The following ARHGAP39 variants were observed in gnomAD, a reference collection of about 807,000 sequenced individuals.
ARHGAP39 encodes the protein rho GTPase-activating protein 39.
ARHGAP39 carries 44 observed loss-of-function variants against 106.9 expected under a neutral mutation model. The ratio of observed to expected loss-of-function variants is 0.41; its 90% CI spans 0.32 to 0.53. The LOEUF (loss-of-function observed/expected upper bound fraction) is 0.53. Among genes scored for constraint, ARHGAP39 ranks in the 20% least tolerant of loss-of-function variants. ARHGAP39 has a pLI of 0.21. For synonymous variants in ARHGAP39, 768 were observed against 693.2 expected (o/e 1.11, Z -1.69); for missense variants, 1,496 against 1,577.3 (o/e 0.95, Z 0.87).
chr8:144,542,465 G>A (rs1473454807), intron 6 of ARHGAP39, among the ~76,000 whole-genome samples: 1 of 152,146 alleles, frequency 6.6e-6, no homozygotes, highest in East Asian at 1.9e-4. Context: ...CCTCACCGAG[G>A]GTCCCTAGGC....
At position 144,629,069 on chromosome 8, in the gene ARHGAP39, C is replaced by T. The variant is rs534597851; in HGVS notation, c.-81-23374G>A. ...TGTTGGCTCACACCCTCCGTCCACT[C>T]CTTTACTGGATCTTACTAACTTGGA... is the stretch of plus-strand genomic sequence containing the variant. On this transcript the variant is annotated intron_variant, in intron 1 of 11. Coordinates refer to ENST00000377307, the MANE Select transcript of ARHGAP39 (RefSeq NM_025251.3). 8.3e-4 allele frequency among the ~76,000 whole-genome samples: 127 copies of T among 152,348 alleles called. 1 individual carries two copies. Among genetic ancestry groups the T allele is most frequent in the African/African-American group, 2.6e-3 (108 of 41,592 alleles).
the ARHGAP39 span, among the ~76,000 whole-genome samples, chr8:144,696,336 G>A: frequency 6.6e-6 from 1 of 151,980 alleles, no homozygotes; most frequent in Non-Finnish European, 1.5e-5. Flanking sequence ...ACGGGGTTTC[G>A]CCACGTTGCC....
chr8:144,641,013 A>G lies in ARHGAP39; in HGVS notation c.-81-35318T>C, dbSNP rs996007165. On this transcript the variant is annotated intron_variant, in intron 1 of 11. Transcript: ENST00000377307. This position sits in a 1 kb window ranked among gnomAD's most constrained non-coding sequence, Gnocchi z 5.2. The stretch of plus-strand genomic sequence containing the variant: ...TCTTCATCTATATAGACATTACTCT[A>G]TTTCTTATTTCCTACAATAATAAAA... 2.0e-5 allele frequency among the ~76,000 whole-genome samples: 3 copies of G among 152,100 alleles called. No homozygotes were observed. The highest frequency in any genetic ancestry group is 7.2e-5 in the African/African-American group (3 of 41,424).
intron 1 of ARHGAP39, among the ~76,000 whole-genome samples, chr8:144,660,947 C>T (rs894679770): frequency 6.6e-5 from 10 of 151,896 alleles, no homozygotes; most frequent in East Asian, 3.9e-4. Flanking sequence ...ATTGTGCCAT[C>T]GCACTCCAGC....
At chr8:144,689,993 T>C (rs1319414502), upstream of ARHGAP39, among the ~76,000 whole-genome samples, 1 of 151,052 alleles carries the variant, frequency 6.6e-6, no homozygotes, top group African/African-American at 2.4e-5. Flanking sequence ...GTGATCTGCC[T>C]GCCTCAGCCT....
Position 144,569,345 on chromosome 8 carries a change from T to C in ARHGAP39, c.512+11501A>G, listed in dbSNP as rs1433011813. ...AAATGTATGTCCAAACAAAGACTTG[T>C]ACATGAATGTTCATAGCAGTTTTAT... On this transcript the variant is annotated intron_variant, in intron 3 of 11. Transcript: ENST00000377307. Among the ~76,000 whole-genome samples the C allele has an allele frequency of 3.9e-5, 6 of 152,216 alleles. No homozygotes were observed. In the East Asian group the frequency reaches 1.2e-3, roughly 29 times the overall value.
intron 1 of ARHGAP39, among the ~76,000 whole-genome samples, chr8:144,642,455 C>T (rs1821335908): frequency 6.6e-6 from 1 of 151,878 alleles, no homozygotes; most frequent in Non-Finnish European, 1.5e-5. Flanking sequence ...CTACCACACT[C>T]CAGCCTGGGT....
intron 7 of ARHGAP39, among the ~76,000 whole-genome samples, chr8:144,535,908 C>T (rs939364184): frequency 6.6e-6 from 1 of 152,230 alleles, no homozygotes; most frequent in Admixed American, 6.5e-5. Flanking sequence ...GGTGTCACAA[C>T]TGTAGTGGGC....
chr8:144,687,920 GGTGA>G (rs1563739783), upstream of ARHGAP39, among the ~76,000 whole-genome samples: 4 of 113,208 alleles, frequency 3.5e-5, no homozygotes, highest in Admixed American at 9.0e-5. Context: ...ACACACTGGC[GGTGA>G]GCACTTCCCA....
intron 2 of ARHGAP39, among the ~76,000 whole-genome samples, chr8:144,590,018 C>T (rs1285170275): frequency 6.6e-6 from 1 of 152,272 alleles, no homozygotes; most frequent in South Asian, 2.1e-4. Context: ...CCTCCATGCT[C>T]CCAGCTGACA....
the ARHGAP39 span, among the ~76,000 whole-genome samples, chr8:144,691,671 T>G: frequency 6.6e-6 from 1 of 152,100 alleles, no homozygotes; most frequent in Non-Finnish European, 1.5e-5. Flanking sequence ...AGGGTTGTCT[T>G]GCTACATTTT....
intron 8 of ARHGAP39, among the ~76,000 whole-genome samples, chr8:144,533,923 G>A (rs1816837241): frequency 6.6e-6 from 1 of 152,102 alleles, no homozygotes; most frequent in South Asian, 2.1e-4. Flanking sequence ...TGGGGGTCCG[G>A]GCCCAGGAAG....
intron 1 of ARHGAP39, among the ~76,000 whole-genome samples, chr8:144,614,311 G>T (rs1820575054): frequency 6.6e-6 from 1 of 150,846 alleles, no homozygotes; most frequent in African/African-American, 2.4e-5. Flanking sequence ...CATTATGAAT[G>T]TTACCTCTTG....
chr8:144,599,437 G>A (rs1819758257), intron 2 of ARHGAP39, among the ~76,000 whole-genome samples: 1 of 152,126 alleles, frequency 6.6e-6, no homozygotes, highest in Admixed American at 6.6e-5. Context: ...AAGAATGAAG[G>A]GGAAATAAGA....
chr8:144,599,039 A>T (rs1483793817), intron 2 of ARHGAP39, among the ~76,000 whole-genome samples: 1 of 152,152 alleles, frequency 6.6e-6, no homozygotes, highest in Non-Finnish European at 1.5e-5. Context: ...CTGCATGGAG[A>T]CCCCAGGCAC....
intron 6 of ARHGAP39, among the ~76,000 whole-genome samples, chr8:144,542,698 G>A (rs1023518541): frequency 7.4e-6 from 1 of 135,708 alleles, no homozygotes; most frequent in African/African-American, 2.8e-5. Context: ...CAGCACTTTG[G>A]GAAACTCAGG....
In ARHGAP39 at chr8:144,547,903, C is replaced by T. The variant is rs758524323; in HGVS notation, c.1183G>A (p.Val395Met). The T allele has an allele frequency of 3.2e-6, 5 of 1,584,110 alleles. No homozygotes were observed. The highest frequency in any genetic ancestry group is 1.1e-5 in the South Asian group (1 of 87,896). ...LEYSPAGKEYVRQLVYVEQAG... is the reference protein window; with the variant it reads ...LEYSPAGKEYMRQLVYVEQAG... ...TGCTCCACGTAGACCAGCTGCCGCA[C>T]GTACTCCTTGCCGGCGGGACTGTAC... Residue 395 changes from valine to methionine, a missense_variant, in exon 5 of 12, where the codon GTG (valine) becomes ATG (methionine). Transcript: ENST00000377307. The surrounding 1 kb of genome is among the most constrained non-coding windows in gnomAD (Gnocchi z 5.2).
intron 2 of ARHGAP39, among the ~76,000 whole-genome samples, chr8:144,589,455 C>T (rs1310428669): frequency 6.6e-6 from 1 of 152,130 alleles, no homozygotes; most frequent in Non-Finnish European, 1.5e-5. Context: ...AGGACGAACT[C>T]CTCTGACACT....
Position 144,539,403 on chromosome 8 carries a change from A to G in ARHGAP39, c.2522-1590T>C, listed in dbSNP as rs953243685. Among the ~76,000 whole-genome samples the G allele has an allele frequency of 1.6e-4, 24 of 152,166 alleles. 1 individual carries two copies. The highest frequency in any genetic ancestry group is 2.5e-4 in the Non-Finnish European group (17 of 68,034). On this transcript the variant is annotated intron_variant, in intron 6 of 11. Transcript: ENST00000377307. ...TTAACAGTCTTTTGTAGGAGACTTA[A>G]TTTTGACGAAGTCCAATTTATCCAT...
Sources: allele counts gnomAD v4.1 joint callset (sites outside exome capture counted in the v4.1 genomes callset), GRCh38; gene constraint gnomAD v4.1.1; non-coding constraint Gnocchi (gnomAD v3.1); transcripts MANE v1.5; gene names NCBI Gene and HGNC (gene_info 2026-07-23, HGNC 2026-07-21).